GRM1: variants seen among roughly 807,000 people sequenced by gnomAD.
GRM1 encodes glutamate metabotropic receptor 1, also known as metabotropic glutamate receptor 1.
GRM1 carries 33 observed loss-of-function variants against 90.9 expected under a neutral mutation model. That is an observed-to-expected ratio of 0.36 (90% CI 0.28 to 0.49). The LOEUF (loss-of-function observed/expected upper bound fraction) is 0.49, where lower values mean the gene tolerates loss of function less well. GRM1 is among the 20% of genes least tolerant of loss of function. The pLI is 0.99. For synonymous variants in GRM1, 700 were observed against 613.2 expected (o/e 1.14, Z -2.09); for missense variants, 1,190 against 1,534.3 (o/e 0.78, Z 3.75).
chr6:146,327,797 C>A (rs1784443060), intron 3 of GRM1, among the ~76,000 whole-genome samples: 1 of 152,178 alleles, frequency 6.6e-6, no homozygotes, highest in Non-Finnish European at 1.5e-5. Context: ...AATACACCCA[C>A]TGAGTCCACC....
intron 7 of GRM1, among the ~76,000 whole-genome samples, chr6:146,427,117 C>T (rs974290294): frequency 1.3e-5 from 2 of 152,050 alleles, no homozygotes; most frequent in African/African-American, 2.4e-5. Flanking sequence ...GGGGTGGGTG[C>T]CAACATGAGC....
intron 1 of GRM1, among the ~76,000 whole-genome samples, chr6:146,128,107 C>T (rs1383671968): frequency 1.3e-5 from 2 of 152,068 alleles, no homozygotes; most frequent in African/African-American, 4.8e-5. Context: ...GGCAAGTATC[C>T]CTAGGTGTAC....
intron 7 of GRM1, among the ~76,000 whole-genome samples, chr6:146,431,805 G>A (rs373336613): frequency 3.3e-5 from 5 of 152,126 alleles, no homozygotes; most frequent in East Asian, 1.9e-4. Flanking sequence ...CTTAAGGAGG[G>A]TAAGAGGCAA....
intron 2 of GRM1, among the ~76,000 whole-genome samples, chr6:146,205,304 T>TGGAAAC (rs1779458121): frequency 6.6e-6 from 1 of 152,202 alleles, no homozygotes; most frequent in Non-Finnish European, 1.5e-5. Flanking sequence ...ACAAAATTTA[T>TGGAAAC]TTTAAAAGAT....
At chr6:146,052,146 G>A (rs1230315996) in intron 1 of GRM1, among the ~76,000 whole-genome samples, 3 of 152,034 alleles carry the variant, frequency 2.0e-5, no homozygotes, top group African/African-American at 4.8e-5. Context: ...GTGAGGCTGT[G>A]AGGAAAACAT....
chr6:146,125,857 A>G (rs1196483597), intron 1 of GRM1, among the ~76,000 whole-genome samples: 1 of 152,180 alleles, frequency 6.6e-6, no homozygotes, highest in Non-Finnish European at 1.5e-5. Flanking sequence ...AATGTTTAAA[A>G]GAAATGAAAA....
intron 1 of GRM1, among the ~76,000 whole-genome samples, chr6:146,059,229 C>T (rs1212749337): frequency 2.0e-5 from 3 of 152,130 alleles, no homozygotes; most frequent in African/African-American, 7.2e-5. Flanking sequence ...CAAAATTACT[C>T]TTTGATCCAT....
rs553440596 is a variant in GRM1, at chr6:146,434,392, G to C, written c.3181G>C (p.Gly1061Arg). The change falls in exon 8 of 8, where the codon GGG becomes CGG. Residue 1061 changes from glycine (G) to arginine (R), a missense_variant. Gly to Arg is a moderately radical substitution (Grantham distance 125). Coordinates refer to ENST00000282753, the MANE Select transcript of GRM1 (RefSeq NM_001278064.2). Reference sequence around the variant, plus strand: ...GGCAGGCCCCGGTGGTCCCGGGAACGGGCTGCGGTCCCTGTACCCGCCCCC... The same window carrying C: ...GGCAGGCCCCGGTGGTCCCGGGAACCGGCTGCGGTCCCTGTACCCGCCCCC... ...VLAGPGGPGN[G>R]LRSLYPPPPP... The C allele has an allele frequency of 1.7e-5, 28 of 1,613,280 alleles. 1 individual carries two copies. The South Asian group carries it at 2.2e-4, about 13-fold the overall frequency.
intron 5 of GRM1, among the ~76,000 whole-genome samples, chr6:146,361,827 C>A (rs1331604429): frequency 2.6e-5 from 4 of 152,236 alleles, no homozygotes; most frequent in Admixed American, 6.5e-5. Flanking sequence ...ATTATATGAA[C>A]TGGCACATTT....
At chr6:146,040,344 A>G (rs1262623839) in intron 1 of GRM1, among the ~76,000 whole-genome samples, 1 of 151,986 alleles carries the variant, frequency 6.6e-6, no homozygotes, top group African/African-American at 2.4e-5. Flanking sequence ...CTGAATTTTT[A>G]TACTTTTACC....
At chr6:146,385,521 G>A (rs1004650914) in intron 5 of GRM1, among the ~76,000 whole-genome samples, 2 of 152,032 alleles carry the variant, frequency 1.3e-5, no homozygotes, top group South Asian at 4.1e-4. Flanking sequence ...GAAGCTGAGA[G>A]AGGTCATATT....
intron 7 of GRM1, among the ~76,000 whole-genome samples, chr6:146,414,650 C>T (rs1777708054): frequency 6.6e-6 from 1 of 152,216 alleles, no homozygotes; most frequent in Non-Finnish European, 1.5e-5. Context: ...GATCCGCCCG[C>T]CTCGGCCTCC....
intron 1 of GRM1, among the ~76,000 whole-genome samples, chr6:146,049,554 A>T (rs1791448920): frequency 6.6e-6 from 1 of 151,876 alleles, no homozygotes; most frequent in South Asian, 2.1e-4. Flanking sequence ...GAGTCACATC[A>T]CTGGCTTCCT....
chr6:146,109,277 C>T (rs1775451400), intron 1 of GRM1, among the ~76,000 whole-genome samples: 1 of 152,146 alleles, frequency 6.6e-6, no homozygotes, highest in African/African-American at 2.4e-5. Flanking sequence ...GCTCAGGGTC[C>T]CCATGCTGAG....
At chr6:146,250,707 AC>A (rs1781238650) in intron 2 of GRM1, among the ~76,000 whole-genome samples, 1 of 152,208 alleles carries the variant, frequency 6.6e-6, no homozygotes, top group Admixed American at 6.5e-5. Context: ...AAACAGCTTG[AC>A]CAGCATCATA....
chr6:146,055,729 A>G lies in GRM1; in HGVS notation c.700+25512A>G, dbSNP rs58945084. On this transcript the variant is annotated intron_variant, in intron 1 of 7. Coordinates refer to ENST00000282753, the MANE Select transcript of GRM1 (RefSeq NM_001278064.2). ...GTAAAGTTGGGTAATATGTGGTTTTACATTTATAAATCAAATGGAATATAA... is the reference window on the plus strand; with the variant it reads ...GTAAAGTTGGGTAATATGTGGTTTTGCATTTATAAATCAAATGGAATATAA... Among the ~76,000 whole-genome samples, 264 of 152,254 alleles carry G rather than the reference A, an allele frequency of 1.7e-3. 1 individual carries two copies. The highest frequency in any genetic ancestry group is 6.2e-3 in the African/African-American group (257 of 41,556).
chr6:146,418,686 A>G (rs186420786), intron 7 of GRM1, among the ~76,000 whole-genome samples: 106 of 152,126 alleles, frequency 7.0e-4, no homozygotes, highest in Non-Finnish European at 1.3e-3. Context: ...AGTAATAGAG[A>G]AGCTCAAAAT....
intron 1 of GRM1, among the ~76,000 whole-genome samples, chr6:146,050,039 T>G (rs891165882): frequency 1.3e-5 from 2 of 151,928 alleles, no homozygotes; most frequent in African/African-American, 4.8e-5. Flanking sequence ...AAAACAGGCT[T>G]ATGAGTTTTG....
chr6:146,270,952 C>CCTCT (rs1782130008), intron 2 of GRM1, among the ~76,000 whole-genome samples: 1 of 95,316 alleles, frequency 1.0e-5, no homozygotes, highest in Non-Finnish European at 2.1e-5. Context: ...TTCCTTCCTT[C>CCTCT]CTTTCTTTCT....
Sources: allele counts gnomAD v4.1 joint callset (sites outside exome capture counted in the v4.1 genomes callset), GRCh38; gene constraint gnomAD v4.1.1; transcripts MANE v1.5; gene names NCBI Gene and HGNC (gene_info 2026-07-23, HGNC 2026-07-21).